Variants in HMGA1 observed in about 807,000 individuals in gnomAD.
The protein encoded by HMGA1 is high mobility group protein HMG-I/HMG-Y.
In HMGA1, 1 loss-of-function variant was observed where a neutral mutation model predicts 15.1. The observed-to-expected ratio is 0.07, with a 90% CI of 0.02 to 0.31. HMGA1 has a LOEUF of 0.31. HMGA1 is among the 10% of genes least tolerant of loss of function. The probability of loss-of-function intolerance (pLI) is 1.00; values close to 1 mark genes in which losing one functional copy is unlikely to be tolerated. For synonymous variants in HMGA1, 56 were observed against 54.8 expected, an observed-to-expected ratio of 1.02 and a Z score of -0.10; for missense variants, 94 against 141.4, an observed-to-expected ratio of 0.66 and a Z score of 1.70.
Position 34,245,808 on chromosome 6 carries a change from C to A in HMGA1, c.*924C>A. On this transcript the variant is annotated 3_prime_UTR_variant, in exon 6 of 6. Transcript: ENST00000311487. Reference sequence around the variant, plus strand: ...CCCCCCTCCTGCTCCTCCCTGCCCCCCAAGGTTCTGGTTCCATTTTTCCTC... The same window carrying A: ...CCCCCCTCCTGCTCCTCCCTGCCCCACAAGGTTCTGGTTCCATTTTTCCTC... 1 of 416,612 alleles carries A rather than the reference C, an allele frequency of 2.4e-6. No individual in the cohort carries two copies. Among genetic ancestry groups the A allele is most frequent in the South Asian group, 2.3e-5 (1 of 42,806 alleles). The allele number at this position is 416,612 out of a possible 1,614,324, so 25.8% of individuals were successfully genotyped here. A position where few individuals can be genotyped will look rare whatever the true frequency, so the allele number is the denominator to read the frequency against.
intron 4 of HMGA1, 72 bp from the exon 5 acceptor site, chr6:34,243,396 C>A (rs1762459347): frequency 1.7e-6 from 2 of 1,187,820 alleles, no homozygotes; most frequent in East Asian, 2.4e-5. Context: ...GTCTGCCCCC[C>A]ATCACTATTG....
rs1242257957 is a variant in HMGA1 at position 34,244,985 on chromosome 6, C to T, written c.*101C>T. 5 of 1,545,894 alleles carry T rather than the reference C, an allele frequency of 3.2e-6. No homozygotes were observed. Among genetic ancestry groups the T allele is most frequent in the Non-Finnish European group, 4.4e-6 (5 of 1,144,898 alleles). ...GCCCCCACCCCTTCCCCAGGCCCAC[C>T]ATCACCACCGCCTCTGGCCGCCACC... On this transcript the variant is annotated 3_prime_UTR_variant, in exon 6 of 6. Coordinates refer to ENST00000311487, the MANE Select transcript of HMGA1 (RefSeq NM_145899.3).
At position 34,240,798 on chromosome 6, in the gene HMGA1, G is replaced by T. The variant is rs376817030; in HGVS notation, c.18G>T (p.Ser6=). The change falls in exon 3 of 6, where the codon TCG becomes TCT. Residue 6 remains serine (S), a synonymous_variant. Coordinates refer to ENST00000311487, the MANE Select transcript of HMGA1 (RefSeq NM_145899.3). MSESS[S]KSSQPLASKQ... ...AAGGGAAGATGAGTGAGTCGAGCTCGAAGTCCAGCCAGCCCTTGGCCTCCA... is the reference window on the plus strand; with the variant it reads ...AAGGGAAGATGAGTGAGTCGAGCTCTAAGTCCAGCCAGCCCTTGGCCTCCA... 2 of 1,612,528 alleles carry T rather than the reference G, an allele frequency of 1.2e-6. No individual in the cohort carries two copies. Among genetic ancestry groups the T allele is most frequent in the South Asian group, 1.1e-5 (1 of 91,016 alleles).
intron 4 of HMGA1, among the ~76,000 whole-genome samples, chr6:34,243,262 G>A (rs1049358531): frequency 8.6e-5 from 13 of 151,966 alleles, no homozygotes; most frequent in African/African-American, 1.2e-4. Flanking sequence ...AGTCATGGGC[G>A]GAGGTGGGAG....
chr6:34,238,272 C>T (rs1018738982), intron 2 of HMGA1, among the ~76,000 whole-genome samples: 2 of 152,190 alleles, frequency 1.3e-5, no homozygotes, highest in African/African-American at 2.4e-5. Flanking sequence ...CGCGCCCTGG[C>T]CCCGGGTCCC....
chr6:34,242,525 G>C (rs1270030481), intron 3 of HMGA1, among the ~76,000 whole-genome samples, 187 bp from the exon 4 acceptor site: 1 of 152,178 alleles, frequency 6.6e-6, no homozygotes, highest in Non-Finnish European at 1.5e-5. Flanking sequence ...CAAGGGGAGA[G>C]GTGGGAGGCA....
rs771566300 is a variant in HMGA1, at chr6:34,240,750, A to C, written c.-31A>C. 2.7e-5 allele frequency: 43 copies of C among 1,611,540 alleles called. No homozygotes were observed. Among genetic ancestry groups the C allele is most frequent in the Admixed American group, 2.3e-4 (14 of 59,970 alleles). Reference sequence around the variant, plus strand: ...TCTGTCTCCCAGCATCCCAGCCATCACTCTTCCACCTGCTCCTTAGAGAAG... The same window carrying C: ...TCTGTCTCCCAGCATCCCAGCCATCCCTCTTCCACCTGCTCCTTAGAGAAG... On this transcript the variant is annotated 5_prime_UTR_variant, in exon 3 of 6. Coordinates refer to ENST00000311487, the MANE Select transcript of HMGA1 (RefSeq NM_145899.3).
chr6:34,237,758 T>TG (rs915106408), intron 2 of HMGA1, among the ~76,000 whole-genome samples: 3 of 147,534 alleles, frequency 2.0e-5, no homozygotes, highest in African/African-American at 5.0e-5. Flanking sequence ...GGCAGGAGAG[T>TG]GGGGGGTCGG....
At chr6:34,243,242 A>G (rs1353355113) in intron 4 of HMGA1, among the ~76,000 whole-genome samples, 1 of 152,038 alleles carries the variant, frequency 6.6e-6, no homozygotes, top group African/African-American at 2.4e-5. Flanking sequence ...GACACGACTC[A>G]TATCCTCTGA....
intron 4 of HMGA1, among the ~76,000 whole-genome samples, chr6:34,243,059 G>A (rs1230401760): frequency 6.6e-6 from 1 of 152,134 alleles, no homozygotes; most frequent in African/African-American, 2.4e-5. Context: ...CTGATCTAGA[G>A]AAGGGCAGAG....
chr6:34,245,128 C>T lies in HMGA1; in HGVS notation c.*244C>T. ...GGCCTCAGTTCCCAGCTCCCCCCGC[C>T]CACCCACGCATACACACATGCCCTC... On this transcript the variant is annotated 3_prime_UTR_variant, in exon 6 of 6. Transcript: ENST00000311487. 2 of 1,498,204 alleles carry T rather than the reference C, an allele frequency of 1.3e-6. No homozygotes were observed. Among genetic ancestry groups the T allele is most frequent in the Non-Finnish European group, 8.9e-7 (1 of 1,122,258 alleles). 92.8% of individuals were successfully genotyped at this position (1,498,204 alleles called of 1,614,324 possible).
intron 5 of HMGA1, among the ~76,000 whole-genome samples, chr6:34,244,480 C>T (rs945680258): frequency 6.6e-6 from 1 of 152,094 alleles, no homozygotes; most frequent in African/African-American, 2.4e-5. Context: ...CCATTTCCTC[C>T]CCCAGCCACC....
Position 34,240,147 on chromosome 6 carries a change from G to A in HMGA1, c.-44-590G>A, listed in dbSNP as rs1010124844. Among the ~76,000 whole-genome samples the A allele has an allele frequency of 2.0e-5, 3 of 152,300 alleles. No individual in the cohort carries two copies. In the East Asian group the frequency reaches 5.8e-4, roughly 29 times the overall value. ...ACCCTGGGTGAGAACAGAGAAGAGA[G>A]CTGGTGGTGGGCACCACCCCTGGCT... On this transcript the variant is annotated intron_variant, in intron 2 of 5. Coordinates refer to ENST00000311487, the MANE Select transcript of HMGA1 (RefSeq NM_145899.3).
At chr6:34,237,688 G>GGAGCCCGAGCCCGAGCCC (rs202228093) in intron 2 of HMGA1, among the ~76,000 whole-genome samples, 8 of 147,396 alleles carry the variant, frequency 5.4e-5, no homozygotes, top group African/African-American at 1.7e-4. Context: ...CGCTGGAGCC[G>GGAGCCCGAGCCCGAGCCC]GAGCCCGAGC....
intron 3 of HMGA1, 105 bp from the exon 4 acceptor site, chr6:34,242,607 T>G (rs1762393557): frequency 1.3e-6 from 1 of 797,492 alleles, no homozygotes; most frequent in Non-Finnish European, 2.1e-6. Flanking sequence ...TTTGTGGTTC[T>G]TGGTTCTTGC....
Position 34,245,482 on chromosome 6 carries a change from C to G in HMGA1, c.*598C>G, listed in dbSNP as rs766266312. ...CTCACTTTTCATCCTTCCCCAACTTCCCTAGTCCCCGTACTAGGTTGGACA... is the reference window on the plus strand; with the variant it reads ...CTCACTTTTCATCCTTCCCCAACTTGCCTAGTCCCCGTACTAGGTTGGACA... On this transcript the variant is annotated 3_prime_UTR_variant, in exon 6 of 6. Coordinates refer to ENST00000311487, the MANE Select transcript of HMGA1 (RefSeq NM_145899.3). 22 of 1,380,882 alleles carry G rather than the reference C, an allele frequency of 1.6e-5. No homozygotes were observed. In the East Asian group the frequency reaches 7.5e-4, roughly 47 times the overall value. 85.5% of individuals were successfully genotyped at this position (1,380,882 alleles called of 1,614,324 possible). A position where few individuals can be genotyped will look rare whatever the true frequency, so the allele number is the denominator to read the frequency against.
intron 2 of HMGA1, among the ~76,000 whole-genome samples, chr6:34,240,044 T>G (rs149483822): frequency 6.6e-6 from 1 of 152,142 alleles, no homozygotes; most frequent in East Asian, 1.9e-4. Context: ...GGGCTCACTT[T>G]CCTCCCCCAC....
rs1762238740 is a variant in HMGA1 at position 34,240,769 on chromosome 6, A to C, written c.-12A>C. On this transcript the variant is annotated 5_prime_UTR_variant, in exon 3 of 6. Transcript: ENST00000311487. ...GCCATCACTCTTCCACCTGCTCCTT[A>C]GAGAAGGGAAGATGAGTGAGTCGAG... 1.2e-6 allele frequency: 2 copies of C among 1,612,008 alleles called. 1 individual carries two copies. The highest frequency in any genetic ancestry group is 2.2e-5 in the South Asian group (2 of 91,004).
At chr6:34,241,404 G>T (rs1345789263) in intron 3 of HMGA1, among the ~76,000 whole-genome samples, 1 of 152,240 alleles carries the variant, frequency 6.6e-6, no homozygotes, top group Admixed American at 6.5e-5. Flanking sequence ...CCTCATCCCA[G>T]GTGAGAAACG....
Sources: allele counts gnomAD v4.1 joint callset (sites outside exome capture counted in the v4.1 genomes callset), GRCh38; gene constraint gnomAD v4.1.1; transcripts MANE v1.5; gene names NCBI Gene and HGNC (gene_info 2026-07-23, HGNC 2026-07-21).